The following CADM2 variants were observed in gnomAD, a reference collection of about 807,000 sequenced individuals.
CADM2 encodes the protein immunoglobulin superfamily member 4D.
A neutral mutation model predicts 49.8 loss-of-function variants in CADM2; 12 were observed. That is an observed-to-expected ratio of 0.24 (90% CI 0.15 to 0.39). The LOEUF (loss-of-function observed/expected upper bound fraction) is 0.39, where lower values mean the gene tolerates loss of function less well. Ranked by LOEUF, CADM2 falls within the 10% of genes least tolerant of loss-of-function variation. The probability of loss-of-function intolerance (pLI) is 1.00; values close to 1 mark genes in which losing one functional copy is unlikely to be tolerated. For synonymous variants in CADM2, 214 were observed against 175.4 expected (o/e 1.22, Z -1.74); for missense variants, 378 against 492.3 (o/e 0.77, Z 2.20).
chr3:86,003,122 A>G (rs1730382630), intron 8 of CADM2, among the ~76,000 whole-genome samples: 1 of 152,172 alleles, frequency 6.6e-6, no homozygotes, highest in Non-Finnish European at 1.5e-5. Context: ...TTGACTGCTC[A>G]GTTTAATAAA....
chr3:85,801,762 A>G (rs1210642837), intron 2 of CADM2, among the ~76,000 whole-genome samples: 2 of 152,216 alleles, frequency 1.3e-5, no homozygotes, highest in African/African-American at 4.8e-5. Context: ...TAGGGAAAGT[A>G]ATAAATATAA....
intron 8 of CADM2, among the ~76,000 whole-genome samples, chr3:85,975,911 T>C (rs893980572): frequency 1.3e-5 from 2 of 151,588 alleles, no homozygotes; most frequent in African/African-American, 4.8e-5. Flanking sequence ...GTTGTCTTGG[T>C]GTCTGTGTTC....
chr3:85,048,193 A>T (rs940941137), intron 1 of CADM2, among the ~76,000 whole-genome samples: 2 of 152,168 alleles, frequency 1.3e-5, no homozygotes, highest in South Asian at 2.1e-4. Context: ...ACATTATGTT[A>T]TAGATAGTAG....
intron 1 of CADM2, among the ~76,000 whole-genome samples, chr3:85,716,638 A>C (rs969458324): frequency 6.6e-6 from 1 of 152,162 alleles, no homozygotes; most frequent in African/African-American, 2.4e-5. Flanking sequence ...TAGTTCTTAC[A>C]TTTAAATCTT....
chr3:84,981,570 T>G (rs150965821), intron 1 of CADM2, among the ~76,000 whole-genome samples: 26 of 152,174 alleles, frequency 1.7e-4, no homozygotes, highest in African/African-American at 6.3e-4. Flanking sequence ...TGAAGAACAC[T>G]TCTGTATTTG....
chr3:85,479,100 T>A (rs925880338), intron 1 of CADM2, among the ~76,000 whole-genome samples: 1 of 151,800 alleles, frequency 6.6e-6, no homozygotes, highest in Non-Finnish European at 1.5e-5. Flanking sequence ...TGCAACATCA[T>A]GCCTGGCTAA....
intron 1 of CADM2, among the ~76,000 whole-genome samples, chr3:85,045,120 T>C (rs1293978619): frequency 6.6e-6 from 1 of 152,174 alleles, no homozygotes; most frequent in African/African-American, 2.4e-5. Flanking sequence ...CTGTGTATCT[T>C]TCAAACATTT....
chr3:85,619,228 G>T (rs886847682), intron 1 of CADM2, among the ~76,000 whole-genome samples: 1 of 151,882 alleles, frequency 6.6e-6, no homozygotes, highest in Non-Finnish European at 1.5e-5. Flanking sequence ...ATAATTTCAG[G>T]CAGCGTGTTT....
chr3:85,755,928 A>G (rs962602417), intron 2 of CADM2, among the ~76,000 whole-genome samples: 5 of 152,146 alleles, frequency 3.3e-5, no homozygotes, highest in Non-Finnish European at 5.9e-5. Flanking sequence ...AACATGTAGC[A>G]ACTTCCCTCT....
chr3:85,606,859 A>G (rs912021655), intron 1 of CADM2, among the ~76,000 whole-genome samples: 1 of 151,986 alleles, frequency 6.6e-6, no homozygotes, highest in Non-Finnish European at 1.5e-5. Context: ...TTGGATCTGC[A>G]TTATTGGAAG....
At chr3:85,282,406 C>T (rs1303620250) in intron 1 of CADM2, among the ~76,000 whole-genome samples, 1 of 147,732 alleles carries the variant, frequency 6.8e-6, no homozygotes, top group Non-Finnish European at 1.5e-5. Flanking sequence ...GGACTACAGG[C>T]GTGAGCCGCC....
chr3:85,928,247 C>G (rs571095665), intron 6 of CADM2, among the ~76,000 whole-genome samples: 1 of 151,404 alleles, frequency 6.6e-6, no homozygotes, highest in Non-Finnish European at 1.5e-5. Flanking sequence ...TAACCTCCGC[C>G]TCCCGGGTTC....
chr3:85,526,805 T>C (rs1377770111), intron 1 of CADM2, among the ~76,000 whole-genome samples: 2 of 152,148 alleles, frequency 1.3e-5, no homozygotes, highest in Non-Finnish European at 2.9e-5. Flanking sequence ...TAATTTACCC[T>C]ATCAAAACTA....
At chr3:85,996,485 A>G (rs1354112557) in intron 8 of CADM2, among the ~76,000 whole-genome samples, 2 of 151,804 alleles carry the variant, frequency 1.3e-5, no homozygotes, top group African/African-American at 4.8e-5. Context: ...ATTCACATAC[A>G]TATAATCCAA....
intron 1 of CADM2, among the ~76,000 whole-genome samples, chr3:85,513,123 C>A (rs1576690489): frequency 6.6e-6 from 1 of 152,064 alleles, no homozygotes; most frequent in East Asian, 1.9e-4. Context: ...TTAAATTTAG[C>A]CTGCTTATTT....
Position 85,426,588 on chromosome 3 carries a change from G to C in CADM2, c.62-299934G>C, listed in dbSNP as rs1294056937. Reference sequence around the variant, plus strand: ...AAAAATAATCACATAATGGAGAATAGGGTATCCATCCCCTCAAGCATTATC... The same window carrying C: ...AAAAATAATCACATAATGGAGAATACGGTATCCATCCCCTCAAGCATTATC... On this transcript the variant is annotated intron_variant, in intron 1 of 9. Coordinates refer to ENST00000383699, the MANE Select transcript of CADM2 (RefSeq NM_001167675.2). Among the ~76,000 whole-genome samples, 33 of 152,056 alleles carry C rather than the reference G, an allele frequency of 2.2e-4. 1 individual carries two copies. The highest frequency in any genetic ancestry group is 1.8e-3 in the Admixed American group (28 of 15,260).
chr3:86,060,288 G>A (rs1449497182), intron 8 of CADM2, among the ~76,000 whole-genome samples: 2 of 151,274 alleles, frequency 1.3e-5, no homozygotes, highest in Admixed American at 1.3e-4. Flanking sequence ...TAAGAATGAA[G>A]GTTACAGGCA....
intron 1 of CADM2, among the ~76,000 whole-genome samples, chr3:85,606,067 T>C (rs1576917461): frequency 6.6e-6 from 1 of 152,082 alleles, no homozygotes; most frequent in South Asian, 2.1e-4. Context: ...CAGCAACAAA[T>C]ACAACGAATA....
At chr3:85,486,853 C>T (rs1047581521) in intron 1 of CADM2, among the ~76,000 whole-genome samples, 2 of 152,082 alleles carry the variant, frequency 1.3e-5, no homozygotes, top group Non-Finnish European at 2.9e-5. Flanking sequence ...TGGAAAATGT[C>T]AAATCCAAAG....
Sources: allele counts gnomAD v4.1 joint callset (sites outside exome capture counted in the v4.1 genomes callset), GRCh38; gene constraint gnomAD v4.1.1; transcripts MANE v1.5; gene names NCBI Gene and HGNC (gene_info 2026-07-23, HGNC 2026-07-21).